Variants in OR51B5 observed in about 807,000 individuals in gnomAD.
The protein encoded by OR51B5 is olfactory receptor family 51 subfamily B member 5.
For synonymous variants in OR51B5, 186 were observed against 144.8 expected, an observed-to-expected ratio of 1.28 and a Z score of -2.04; for missense variants, 456 against 374.6, an observed-to-expected ratio of 1.22 and a Z score of -1.79.
chr11:5,410,503 A>G (rs1319304766), intron 1 of OR51B5, among the ~76,000 whole-genome samples: 1 of 152,224 alleles, frequency 6.6e-6, no homozygotes, highest in Non-Finnish European at 1.5e-5. Context: ...AACGGACTGC[A>G]TATAGGACAG....
At chr11:5,405,297 C>G (rs1296311589) in intron 1 of OR51B5, among the ~76,000 whole-genome samples, 4 of 152,138 alleles carry the variant, frequency 2.6e-5, no homozygotes, top group African/African-American at 7.2e-5. Context: ...TTGCTCAAAT[C>G]TATGCATCTA....
intron 1 of OR51B5, among the ~76,000 whole-genome samples, chr11:5,474,510 T>TTG: frequency 6.6e-6 from 1 of 152,334 alleles, no homozygotes; most frequent in Non-Finnish European, 1.5e-5. Flanking sequence ...AAATTGTTTT[T>TTG]GGAGATTGAT....
chr11:5,406,427 T>G (rs114001026), intron 1 of OR51B5, among the ~76,000 whole-genome samples: 3,886 of 152,236 alleles, frequency 0.026, 154 homozygotes, highest in African/African-American at 0.085. Flanking sequence ...GAAAAGAATC[T>G]TGGAATCTCT....
intron 1 of OR51B5, among the ~76,000 whole-genome samples, chr11:5,468,129 A>G (rs1482944225): frequency 2.6e-5 from 4 of 152,250 alleles, no homozygotes; most frequent in African/African-American, 9.6e-5. Flanking sequence ...CATAATCTAC[A>G]TTATAACATT....
intron 1 of OR51B5, among the ~76,000 whole-genome samples, chr11:5,430,464 A>G (rs1317397850): frequency 6.6e-6 from 1 of 152,208 alleles, no homozygotes; most frequent in Non-Finnish European, 1.5e-5. Flanking sequence ...AGAGACACAC[A>G]TACACAAATA....
At chr11:5,383,282 A>C (rs1287415329) in intron 1 of OR51B5, among the ~76,000 whole-genome samples, 2 of 152,158 alleles carry the variant, frequency 1.3e-5, no homozygotes, top group African/African-American at 2.4e-5. Flanking sequence ...TGCAAGATTG[A>C]CTTCTAGGTC....
At chr11:5,347,787 G>A (rs1388424369), upstream of OR51B5, among the ~76,000 whole-genome samples, 1 of 152,050 alleles carries the variant, frequency 6.6e-6, no homozygotes, top group Non-Finnish European at 1.5e-5. Context: ...AGAGGGAAGA[G>A]AGGAGGGAGC....
At chr11:5,413,887 A>C (rs1186169745) in intron 1 of OR51B5, among the ~76,000 whole-genome samples, 1 of 151,228 alleles carries the variant, frequency 6.6e-6, no homozygotes, top group African/African-American at 2.4e-5. Context: ...GAACTTCCCC[A>C]ATCTAGCAGG....
intron 1 of OR51B5, among the ~76,000 whole-genome samples, chr11:5,452,331 C>T (rs189088734): frequency 1.9e-3 from 287 of 151,684 alleles, no homozygotes; most frequent in African/African-American, 6.7e-3. Context: ...GGTGAAACCC[C>T]GTCTCTACTA....
chr11:5,408,656 A>T (rs1037598203), intron 1 of OR51B5, among the ~76,000 whole-genome samples: 5 of 152,116 alleles, frequency 3.3e-5, no homozygotes, highest in Admixed American at 2.0e-4. Context: ...CCAGCCTGTG[A>T]TCACAATGTA....
At position 5,423,124 on chromosome 11, in the gene OR51B5, C is replaced by A. The variant is rs1434551865; in HGVS notation, n.85-76214G>T. 2 of 1,600,020 alleles carry A rather than the reference C, an allele frequency of 1.2e-6. No homozygotes were observed. The highest frequency in any genetic ancestry group is 4.5e-5 in the East Asian group (2 of 44,588). ...AGATCCAATGGGGAATGTTAAATTT[C>A]CTTTCCCTCAAAAATATGCATTCAA... On this transcript the variant is annotated intron_variant and non_coding_transcript_variant, in intron 1 of 4. Coordinates refer to the OR51B5 transcript ENST00000415970.
At chr11:5,358,240 T>C (rs11826986) in intron 1 of OR51B5, among the ~76,000 whole-genome samples, 59,089 of 151,750 alleles carry the variant, frequency 0.39, 11,706 homozygotes, top group African/African-American at 0.41. Context: ...ATTGATAGAC[T>C]GCTAGCAAGA....
At chr11:5,389,876 G>T (rs1282408883) in intron 1 of OR51B5, 1 of 1,613,228 alleles carries the variant, frequency 6.2e-7, no homozygotes, top group South Asian at 1.1e-5. Context: ...AGGCCTAATT[G>T]TCATCTTCCG....
At chr11:5,437,587 G>C (rs1850610040) in intron 1 of OR51B5, among the ~76,000 whole-genome samples, 1 of 152,196 alleles carries the variant, frequency 6.6e-6, no homozygotes, top group African/African-American at 2.4e-5. Flanking sequence ...CTTGCCACCT[G>C]ATTTTAGAAG....
intron 1 of OR51B5, among the ~76,000 whole-genome samples, chr11:5,382,509 T>C (rs1159879257): frequency 2.0e-5 from 3 of 152,200 alleles, no homozygotes; most frequent in Admixed American, 1.3e-4. Flanking sequence ...CTGTTGCTGG[T>C]AATAATAGCA....
At chr11:5,393,534 G>A (rs763997225) in intron 1 of OR51B5, among the ~76,000 whole-genome samples, 5 of 151,698 alleles carry the variant, frequency 3.3e-5, no homozygotes, top group Non-Finnish European at 5.9e-5. Flanking sequence ...AAGACATTTC[G>A]GTTTTATAAT....
At chr11:5,462,617 G>A (rs1328886556) in intron 1 of OR51B5, among the ~76,000 whole-genome samples, 1 of 152,212 alleles carries the variant, frequency 6.6e-6, no homozygotes, top group African/African-American at 2.4e-5. Context: ...GAGGCACAGA[G>A]TTTATCCTCT....
intron 1 of OR51B5, chr11:5,402,835 C>T (rs1029693191): frequency 1.7e-5 from 8 of 471,682 alleles, no homozygotes; most frequent in East Asian, 6.9e-5. Flanking sequence ...TCTGCATCCA[C>T]CCTGCCTACA....
At chr11:5,489,386 C>T in intron 1 of OR51B5, 1 of 1,613,928 alleles carries the variant, frequency 6.2e-7, no homozygotes, top group Non-Finnish European at 8.5e-7. Flanking sequence ...ATCCTCCATG[C>T]AGTCTTTCAT....
Sources: gnomAD v4.1 joint callset for allele counts (sites outside exome capture counted in the v4.1 genomes callset) on GRCh38, gnomAD v4.1.1 for gene constraint, MANE v1.5 for transcripts, NCBI Gene and HGNC (gene_info 2026-07-23, HGNC 2026-07-21) for gene names.